Variants in FMO1 observed in about 807,000 individuals in gnomAD.
FMO1 encodes the protein flavin containing dimethylaniline monoxygenase 1.
A neutral mutation model predicts 45.4 loss-of-function variants in FMO1; 36 were observed. The ratio of observed to expected loss-of-function variants is 0.79; its 90% CI spans 0.61 to 1.05. FMO1 has a LOEUF of 1.05. Among genes scored for constraint, FMO1 ranks in the 50% least tolerant of loss-of-function variants. FMO1 has a pLI of 0.00. For synonymous variants in FMO1, 228 were observed against 227.2 expected, an observed-to-expected ratio of 1.00 and a Z score of -0.03; for missense variants, 615 against 640.3, an observed-to-expected ratio of 0.96 and a Z score of 0.43.
At chr1:171,265,658 G>T (rs998291456) in intron 2 of FMO1, among the ~76,000 whole-genome samples, 2 of 152,122 alleles carry the variant, frequency 1.3e-5, no homozygotes, top group South Asian at 4.1e-4. Context: ...CAAATATTTT[G>T]TATGAAATTG....
In FMO1 at chr1:171,252,503, G is replaced by A. The variant is rs111844812; in HGVS notation, c.-7+3880G>A. Among the ~76,000 whole-genome samples the A allele has an allele frequency of 5.0e-4, 76 of 152,300 alleles. 1 individual carries two copies. Among genetic ancestry groups the A allele is most frequent in the African/African-American group, 1.7e-3 (72 of 41,568 alleles). On this transcript the variant is annotated intron_variant, in intron 1 of 8. Transcript: ENST00000617670. ...CAAAATTTAGGGGCCTCAGCCCCCC[G>A]CCATGCCTCTCCTCTTTCCACCTGG... is the stretch of plus-strand genomic sequence containing the variant.
Position 171,278,763 on chromosome 1 carries a change from C to G in FMO1, c.519C>G (p.Ser173Arg). 1.2e-6 allele frequency: 2 copies of G among 1,610,308 alleles called. No homozygotes were observed. Among genetic ancestry groups the G allele is most frequent in the South Asian group, 2.2e-5 (2 of 90,706 alleles). The change falls in exon 5 of 9, where the codon AGC becomes AGG. Residue 173 changes from serine to arginine, a missense_variant. Physicochemically the swap from Ser to Arg is moderately radical, Grantham distance 110. Coordinates refer to ENST00000617670, the MANE Select transcript of FMO1 (RefSeq NM_001282693.2). Reference sequence around the variant, plus strand: ...CCTTTAAAGGCCAGTACTTTCATAGCCGGCAATATAAGCATCCAGATATAT... The same window carrying G: ...CCTTTAAAGGCCAGTACTTTCATAGGCGGCAATATAAGCATCCAGATATAT... ...INAFKGQYFH[S>R]RQYKHPDIFK...
Position 171,267,576 on chromosome 1 carries a change from A to C in FMO1, c.166A>C (p.Lys56Gln), listed in dbSNP as rs142359838. 18 of 1,612,884 alleles carry C rather than the reference A, an allele frequency of 1.1e-5. No homozygotes were observed. In the East Asian group the frequency reaches 4.0e-4, roughly 36 times the overall value. The change falls in exon 3 of 9, where the codon AAG becomes CAG. Residue 56 changes from lysine to glutamine, a missense_variant. Coordinates refer to ENST00000617670, the MANE Select transcript of FMO1 (RefSeq NM_001282693.2). ...TGAAGAAGGCAGAGCCAGTCTCTAC[A>C]AGTCTGTGGTTTCCAACAGCTGCAA... ...HVEEGRASLY[K>Q]SVVSNSCKEM... is the part of the protein sequence containing the mutation.
chr1:171,281,168 A>T (rs1281362597), intron 6 of FMO1, among the ~76,000 whole-genome samples, 183 bp downstream of exon 6: 1 of 152,072 alleles, frequency 6.6e-6, no homozygotes, highest in Non-Finnish European at 1.5e-5. Context: ...TATGTATTTC[A>T]CCTTGTCAGC....
chr1:171,259,962 T>C (rs750372876), intron 2 of FMO1, among the ~76,000 whole-genome samples: 4 of 152,156 alleles, frequency 2.6e-5, no homozygotes, highest in Admixed American at 6.5e-5. Flanking sequence ...GAGCATTTCA[T>C]TGAGAGCAGG....
At chr1:171,272,891 T>G (rs1392446824) in intron 3 of FMO1, among the ~76,000 whole-genome samples, 1 of 152,192 alleles carries the variant, frequency 6.6e-6, no homozygotes, top group African/African-American at 2.4e-5. Context: ...TGAAATGAGT[T>G]AAGACCTTGG....
At chr1:171,255,368 G>C (rs577030749) in intron 1 of FMO1, among the ~76,000 whole-genome samples, 2 of 152,274 alleles carry the variant, frequency 1.3e-5, no homozygotes, top group East Asian at 3.9e-4. Flanking sequence ...AGACAACTTA[G>C]ATCCTCTTTT....
intron 8 of FMO1, among the ~76,000 whole-genome samples, chr1:171,284,739 A>AG (rs1455745422): frequency 5.9e-5 from 9 of 151,426 alleles, no homozygotes; most frequent in African/African-American, 9.7e-5. Flanking sequence ...AAAAAAAAAA[A>AG]AAAAGAAAAA....
At chr1:171,271,601 T>A (rs1660871558) in intron 3 of FMO1, 1 of 766,266 alleles carries the variant, frequency 1.3e-6, no homozygotes, top group Non-Finnish European at 2.3e-6. Context: ...TTAGTTATTT[T>A]TCCCCAGTGA....
At chr1:171,261,910 A>AAAAG (rs1660393958) in intron 2 of FMO1, among the ~76,000 whole-genome samples, 1 of 152,188 alleles carries the variant, frequency 6.6e-6, no homozygotes, top group South Asian at 2.1e-4. Flanking sequence ...GAAACCATTA[A>AAAAG]AAAGAAAAAT....
chr1:171,267,377 C>T (rs1352787384), intron 2 of FMO1, among the ~76,000 whole-genome samples, 166 bp from the exon 3 acceptor site: 1 of 152,182 alleles, frequency 6.6e-6, no homozygotes, highest in Non-Finnish European at 1.5e-5. Flanking sequence ...ACCAAATTAC[C>T]TAGCAATTGT....
At position 171,283,231 on chromosome 1, in the gene FMO1, T is replaced by G. The variant is rs369795138; in HGVS notation, c.1256+15T>G. On this transcript the variant is annotated intron_variant, in intron 8 of 8. Coordinates refer to ENST00000617670, the MANE Select transcript of FMO1 (RefSeq NM_001282693.2). ...AAGCCCAGTTGGTAAGTTAACTACT[T>G]AATGCACCCTTTTTAAATTATAACT... is the stretch of plus-strand genomic sequence containing the variant. The G allele has an allele frequency of 2.1e-5, 16 of 766,236 alleles. No individual in the cohort carries two copies. In the African/African-American group the frequency reaches 3.5e-4, roughly 17 times the overall value. The allele number at this position is 766,236 out of a possible 1,614,324, so 47.5% of individuals were successfully genotyped here.
At chr1:171,271,035 C>A in intron 3 of FMO1, 1 of 1,005,198 alleles carries the variant, frequency 9.9e-7, no homozygotes. Context: ...CCTCCTCTTC[C>A]TTCTTTTTCT....
intron 2 of FMO1, among the ~76,000 whole-genome samples, chr1:171,258,828 C>T (rs1373023080): frequency 6.6e-6 from 1 of 151,688 alleles, no homozygotes; most frequent in African/African-American, 2.4e-5. Context: ...GGGTTACTGC[C>T]TGGATCGGAG....
intron 2 of FMO1, among the ~76,000 whole-genome samples, chr1:171,258,519 A>T (rs1660257057): frequency 6.6e-6 from 1 of 152,224 alleles, no homozygotes; most frequent in Admixed American, 6.5e-5. Context: ...AAAGCCTAGG[A>T]GCAAAGGAGC....
At chr1:171,280,003 G>A (rs763205175) in intron 5 of FMO1, among the ~76,000 whole-genome samples, 3 of 152,008 alleles carry the variant, frequency 2.0e-5, no homozygotes, top group Admixed American at 1.3e-4. Flanking sequence ...TCCCTATTCA[G>A]AATGTAAGTA....
chr1:171,258,446 A>C (rs374736430), intron 2 of FMO1, among the ~76,000 whole-genome samples: 27 of 152,326 alleles, frequency 1.8e-4, no homozygotes, highest in Admixed American at 6.5e-4. Context: ...GCCAAGGGGA[A>C]GAAGTGTTTC....
intron 1 of FMO1, among the ~76,000 whole-genome samples, chr1:171,248,982 A>G (rs1159374212): frequency 1.4e-5 from 2 of 147,710 alleles, no homozygotes; most frequent in Non-Finnish European, 3.0e-5. Context: ...TTTTTTTTTT[A>G]GTGCTTCCAT....
intron 3 of FMO1, among the ~76,000 whole-genome samples, chr1:171,273,006 T>C (rs1386841221): frequency 6.6e-6 from 1 of 152,168 alleles, no homozygotes; most frequent in African/African-American, 2.4e-5. Context: ...CCCACTCAAA[T>C]GTCATCTTGA....
Sources: gnomAD v4.1 joint callset for allele counts (sites outside exome capture counted in the v4.1 genomes callset) on GRCh38, gnomAD v4.1.1 for gene constraint, MANE v1.5 for transcripts, NCBI Gene and HGNC (gene_info 2026-07-23, HGNC 2026-07-21) for gene names.